The following JMJD1C variants were observed in gnomAD, a reference collection of about 807,000 sequenced individuals.
JMJD1C encodes jumonji domain containing 1C.
In JMJD1C, 31 loss-of-function variants were observed where a neutral mutation model predicts 245.3. The ratio of observed to expected loss-of-function variants is 0.13; its 90% CI spans 0.09 to 0.17. The LOEUF is 0.17. Among genes scored for constraint, JMJD1C ranks in the 10% least tolerant of loss-of-function variants. The pLI is 1.00. For missense variants in JMJD1C, 2,691 were observed against 3,000.2 expected (o/e 0.90, Z 2.41); for synonymous variants, 1,057 against 1,017.4 (o/e 1.04, Z -0.74).
chr10:63,424,497 CTT>C (rs59823871), intron 1 of JMJD1C, among the ~76,000 whole-genome samples: 21 of 103,384 alleles, frequency 2.0e-4, no homozygotes, highest in African/African-American at 5.7e-4. Context: ...ATTATTATTT[CTT>C]TTTTTTTTTT....
In JMJD1C at chr10:63,193,010, G is replaced by A. The variant is rs1845025386; in HGVS notation, c.6004C>T (p.Pro2002Ser). 1 of 1,614,122 alleles carries A rather than the reference G, an allele frequency of 6.2e-7. No homozygotes were observed. Among genetic ancestry groups the A allele is most frequent in the Non-Finnish European group, 8.5e-7 (1 of 1,180,006 alleles). The change falls in exon 16 of 26, where the codon CCT becomes TCT. Residue 2002 changes from proline (P) to serine (S), a missense_variant. Coordinates refer to ENST00000399262, the MANE Select transcript of JMJD1C (RefSeq NM_032776.3). ...SDVGTDNKLT[P>S]PESQSPLHWL... ...TGCAGTGGTGACTGGGATTCTGGAG[G>A]AGTTAACTTGTTATCTGTGCCTACA...
At chr10:63,407,317 A>G (rs1473381948) in intron 1 of JMJD1C, among the ~76,000 whole-genome samples, 2 of 152,218 alleles carry the variant, frequency 1.3e-5, no homozygotes, top group Non-Finnish European at 2.9e-5. Flanking sequence ...GAAACAGAAG[A>G]AGGATTAAGT....
At chr10:63,361,136 A>C (rs1945289435) in intron 2 of JMJD1C, among the ~76,000 whole-genome samples, 1 of 152,214 alleles carries the variant, frequency 6.6e-6, no homozygotes, top group Non-Finnish European at 1.5e-5. Context: ...AGAAATAAAT[A>C]ACTAGGCCAG....
chr10:63,431,159 A>T (rs1950722800), intron 1 of JMJD1C, among the ~76,000 whole-genome samples: 1 of 152,238 alleles, frequency 6.6e-6, no homozygotes. Context: ...TGGTCTGTGA[A>T]AGGAGGAAAT....
At chr10:63,222,147 C>T (rs1452475188) in intron 3 of JMJD1C, 2 of 727,004 alleles carry the variant, frequency 2.8e-6, no homozygotes, top group South Asian at 1.4e-5. Flanking sequence ...GGTCCCCCAT[C>T]TGCAGTCATG....
intron 2 of JMJD1C, among the ~76,000 whole-genome samples, chr10:63,315,465 A>G (rs1436494120): frequency 1.3e-5 from 2 of 152,146 alleles, no homozygotes; most frequent in Non-Finnish European, 2.9e-5. Flanking sequence ...CTTGCAGTTC[A>G]TGTCTGCTAA....
intron 2 of JMJD1C, among the ~76,000 whole-genome samples, chr10:63,298,592 T>C (rs1859702541): frequency 6.6e-6 from 1 of 152,202 alleles, no homozygotes; most frequent in African/African-American, 2.4e-5. Flanking sequence ...AAAAACCCTA[T>C]TTCTTAAGGT....
intron 2 of JMJD1C, among the ~76,000 whole-genome samples, chr10:63,307,408 T>C (rs1222110480): frequency 2.0e-5 from 3 of 152,218 alleles, no homozygotes; most frequent in Non-Finnish European, 4.4e-5. Context: ...GCGAATCATA[T>C]ACGTCTATGT....
At chr10:63,487,279 A>G (rs1954029845) in intron 1 of JMJD1C, among the ~76,000 whole-genome samples, 1 of 152,194 alleles carries the variant, frequency 6.6e-6, no homozygotes, top group Admixed American at 6.5e-5. Flanking sequence ...GACCTGTGTC[A>G]TTTTTCATCA....
At chr10:63,498,201 A>G (rs1463998878) in intron 1 of JMJD1C, among the ~76,000 whole-genome samples, 1 of 152,184 alleles carries the variant, frequency 6.6e-6, no homozygotes, top group East Asian at 1.9e-4. Context: ...AATGGAGACC[A>G]AAGGGCAGTA....
intron 2 of JMJD1C, among the ~76,000 whole-genome samples, chr10:63,333,037 C>A (rs1046824489): frequency 3.9e-5 from 6 of 152,022 alleles, no homozygotes; most frequent in Non-Finnish European, 7.4e-5. Flanking sequence ...TAATTTTTAG[C>A]AACAGAAATA....
In JMJD1C at chr10:63,420,859, GTA is replaced by G. The variant is rs1950086398; in HGVS notation, c.169-40379_169-40378del. Among the ~76,000 whole-genome samples the G allele has an allele frequency of 2.6e-5, 3 of 115,580 alleles. 1 individual carries two copies. Among genetic ancestry groups the G allele is most frequent in the Admixed American group, 2.3e-4 (3 of 13,110 alleles). The allele number at this position is 115,580 out of a possible 152,430, so 75.8% of individuals were successfully genotyped here. Reference sequence around the variant, plus strand: ...AAAGAGCAGAGCAGAAAACAACAAAGTACAAAACAAACAAAATCAACAAAGTA... The same window carrying G: ...AAAGAGCAGAGCAGAAAACAACAAAGCAAAACAAACAAAATCAACAAAGTA... On this transcript the variant is annotated intron_variant, in intron 1 of 25. Transcript: ENST00000399262.
In JMJD1C at chr10:63,172,451, G is replaced by A. The variant is rs766254408; in HGVS notation, c.7401+3846C>T. Among the ~76,000 whole-genome samples the A allele has an allele frequency of 1.6e-4, 24 of 152,232 alleles. No individual in the cohort carries two copies. In the Middle Eastern group the frequency reaches 0.01, roughly 65 times the overall value. ...GCAAAAACATGTTGTTACTGAGAACGTATTTTCTGGCCTTCAGAATAGAGA... is the reference window on the plus strand; with the variant it reads ...GCAAAAACATGTTGTTACTGAGAACATATTTTCTGGCCTTCAGAATAGAGA... On this transcript the variant is annotated intron_variant, in intron 24 of 25. Transcript: ENST00000399262.
chr10:63,316,699 C>T (rs1211115841), intron 2 of JMJD1C, among the ~76,000 whole-genome samples: 1 of 152,170 alleles, frequency 6.6e-6, no homozygotes, highest in African/African-American at 2.4e-5. Flanking sequence ...CCGCCCACCT[C>T]GGCCTCCCAA....
At chr10:63,402,973 T>A (rs1329415660) in intron 1 of JMJD1C, among the ~76,000 whole-genome samples, 2 of 152,244 alleles carry the variant, frequency 1.3e-5, no homozygotes, top group African/African-American at 4.8e-5. Flanking sequence ...TATGGTAATC[T>A]TCTTCCTATT....
intron 1 of JMJD1C, among the ~76,000 whole-genome samples, chr10:63,409,951 T>C (rs1949388338): frequency 6.6e-6 from 1 of 152,090 alleles, no homozygotes; most frequent in African/African-American, 2.4e-5. Context: ...TTAATTTCCT[T>C]TACAGAATCA....
intron 2 of JMJD1C, among the ~76,000 whole-genome samples, chr10:63,293,630 T>C (rs1859035366): frequency 6.6e-6 from 1 of 152,204 alleles, no homozygotes; most frequent in Admixed American, 6.5e-5. Context: ...TCTGCATTCC[T>C]TTGAAACTCC....
At chr10:63,483,500 C>A (rs1423172946) in intron 1 of JMJD1C, among the ~76,000 whole-genome samples, 2 of 152,196 alleles carry the variant, frequency 1.3e-5, no homozygotes, top group African/African-American at 4.8e-5. Flanking sequence ...CAACTCTCAC[C>A]CTCCATGTGA....
chr10:63,496,547 C>T (rs1261317095), intron 1 of JMJD1C, among the ~76,000 whole-genome samples: 2 of 152,166 alleles, frequency 1.3e-5, no homozygotes, highest in African/African-American at 4.8e-5. Flanking sequence ...CCCTTGAATT[C>T]AGAGACATGG....
Sources: allele counts gnomAD v4.1 joint callset (sites outside exome capture counted in the v4.1 genomes callset), GRCh38; gene constraint gnomAD v4.1.1; transcripts MANE v1.5; gene names NCBI Gene and HGNC (gene_info 2026-07-23, HGNC 2026-07-21).